The following DLGAP2 variants were observed in gnomAD, a reference collection of about 807,000 sequenced individuals.
DLGAP2 encodes disks large-associated protein 2.
Under a neutral mutation model 100.3 loss-of-function variants are expected in DLGAP2, and 26 were observed. The observed-to-expected ratio is 0.26, with a 90% confidence interval of 0.19 to 0.36. The LOEUF (loss-of-function observed/expected upper bound fraction) is 0.36. DLGAP2 is among the 10% of genes least tolerant of loss of function. The probability of loss-of-function intolerance (pLI) is 1.00; values close to 1 mark genes in which losing one functional copy is unlikely to be tolerated. For synonymous variants in DLGAP2, 886 were observed against 630.1 expected (o/e 1.41, Z -6.08); for missense variants, 1,858 against 1,453.2 (o/e 1.28, Z -4.53).
intron 1 of DLGAP2, among the ~76,000 whole-genome samples, chr8:746,412 G>A (rs999414140): frequency 5.9e-5 from 9 of 152,358 alleles, no homozygotes; most frequent in Non-Finnish European, 1.0e-4. Flanking sequence ...GTCAGATGGC[G>A]CATTGGATCC....
intron 3 of DLGAP2, among the ~76,000 whole-genome samples, chr8:1,274,663 A>G (rs182454757): frequency 1.9e-3 from 113 of 60,600 alleles, no homozygotes; most frequent in Non-Finnish European, 3.3e-3. Context: ...GTGACTTTGG[A>G]TTTGTTTTCT....
Position 892,677 on chromosome 8 carries a change from C to G in DLGAP2, c.19-15235C>G, listed in dbSNP as rs533212105. Among the ~76,000 whole-genome samples the G allele has an allele frequency of 1.7e-4, 26 of 152,290 alleles. No homozygotes were observed. The South Asian group carries it at 5.0e-3, about 29-fold the overall frequency. ...GTTCCCTGTGCTGGAAGCACAGTTC[C>G]GTTTCTGCTGCAGAACAGAGAGGCG... On this transcript the variant is annotated intron_variant, in intron 1 of 14. Transcript: ENST00000637795.
At chr8:906,604 C>G (rs530754452) in intron 1 of DLGAP2, among the ~76,000 whole-genome samples, 1 of 152,130 alleles carries the variant, frequency 6.6e-6, no homozygotes, top group Non-Finnish European at 1.5e-5. Context: ...GTGTCAGATA[C>G]GACCCTAGAG....
intron 3 of DLGAP2, among the ~76,000 whole-genome samples, chr8:1,480,014 C>T (rs959588558): frequency 2.6e-5 from 4 of 152,192 alleles, no homozygotes; most frequent in African/African-American, 9.7e-5. Flanking sequence ...TCCTCACCAG[C>T]CCCTGTAAGA....
chr8:1,306,911 T>C (rs974618514), intron 3 of DLGAP2, among the ~76,000 whole-genome samples: 10 of 151,912 alleles, frequency 6.6e-5, no homozygotes, highest in African/African-American at 2.2e-4. Flanking sequence ...ATAAAAGACC[T>C]AAACATAAGA....
chr8:849,952 T>G (rs1797153861), intron 1 of DLGAP2, among the ~76,000 whole-genome samples: 1 of 151,436 alleles, frequency 6.6e-6, no homozygotes, highest in African/African-American at 2.4e-5. Flanking sequence ...TAATTCCAGC[T>G]ACTTGGGAGG....
At chr8:1,516,673 G>A (rs899865489) in intron 4 of DLGAP2, among the ~76,000 whole-genome samples, 2 of 152,036 alleles carry the variant, frequency 1.3e-5, no homozygotes, top group Non-Finnish European at 2.9e-5. Flanking sequence ...GTGGGTGACT[G>A]AGTGAAAGAG....
At chr8:836,828 T>C (rs2132709666) in intron 1 of DLGAP2, among the ~76,000 whole-genome samples, 1 of 152,346 alleles carries the variant, frequency 6.6e-6, no homozygotes, top group South Asian at 2.1e-4. Context: ...CTCATCACTT[T>C]ACCGAAGGAC....
At chr8:948,647 C>A (rs1002417838) in intron 2 of DLGAP2, among the ~76,000 whole-genome samples, 1 of 152,236 alleles carries the variant, frequency 6.6e-6, no homozygotes, top group Admixed American at 6.5e-5. Flanking sequence ...AGAGCCAGGC[C>A]GGGGTTGCAG....
chr8:1,678,706 G>A, intron 12 of DLGAP2, 77 bp downstream of exon 12: 7 of 1,375,522 alleles, frequency 5.1e-6, no homozygotes, highest in South Asian at 1.8e-5. Flanking sequence ...CAGCATTAGT[G>A]GAGAAAAGTT....
rs140511792 is a variant in DLGAP2, at chr8:1,272,065, C to G, written c.106+13182C>G. Among the ~76,000 whole-genome samples the G allele has an allele frequency of 4.1e-3, 627 of 152,282 alleles. 4 individuals carry two copies. Among genetic ancestry groups the G allele is most frequent in the African/African-American group, 0.014 (588 of 41,558 alleles). On this transcript the variant is annotated intron_variant, in intron 3 of 14. Transcript: ENST00000637795. The stretch of plus-strand genomic sequence containing the variant: ...TCCTGACCTCAGGTGATCCGCCTGC[C>G]TCAGGCTCCCAAAATGCTGGAATTA...
At chr8:768,383 A>G (rs192835134) in intron 1 of DLGAP2, among the ~76,000 whole-genome samples, 105 of 146,646 alleles carry the variant, frequency 7.2e-4, no homozygotes, top group African/African-American at 2.4e-3. Context: ...GTGGGCTTGT[A>G]TGGACTTCAG....
At chr8:1,371,879 G>A (rs1404325485) in intron 3 of DLGAP2, among the ~76,000 whole-genome samples, 2 of 152,186 alleles carry the variant, frequency 1.3e-5, no homozygotes, top group East Asian at 3.9e-4. Context: ...CACAGAGTCT[G>A]GCATCACACA....
chr8:1,267,635 A>AAAATAAAATAAAATAAAATAAAAT (rs1563052144), intron 3 of DLGAP2, among the ~76,000 whole-genome samples: 6 of 113,024 alleles, frequency 5.3e-5, no homozygotes, highest in African/African-American at 1.8e-4. Flanking sequence ...AATATTAAAT[A>AAAATAAAATAAAATAAAATAAAAT]GGTCTACAAA....
At chr8:1,314,730 A>C (rs980415206) in intron 3 of DLGAP2, among the ~76,000 whole-genome samples, 1 of 152,180 alleles carries the variant, frequency 6.6e-6, no homozygotes, top group Non-Finnish European at 1.5e-5. Context: ...CCGGAGGTCG[A>C]GGACTTTCGG....
chr8:1,601,764 C>G (rs1796632363), intron 6 of DLGAP2, among the ~76,000 whole-genome samples: 1 of 152,152 alleles, frequency 6.6e-6, no homozygotes. Flanking sequence ...TCAGAGCTCT[C>G]TCGTAGCTTA....
At chr8:788,197 A>T (rs1365316752) in intron 1 of DLGAP2, among the ~76,000 whole-genome samples, 1 of 152,246 alleles carries the variant, frequency 6.6e-6, no homozygotes, top group African/African-American at 2.4e-5. Flanking sequence ...CTCCCAAATC[A>T]TGAATCTGAT....
At chr8:1,329,421 C>T (rs1056916063) in intron 3 of DLGAP2, among the ~76,000 whole-genome samples, 4 of 152,104 alleles carry the variant, frequency 2.6e-5, no homozygotes, top group Non-Finnish European at 5.9e-5. Context: ...ATCCGTTTTT[C>T]GAAGGTCATT....
intron 1 of DLGAP2, among the ~76,000 whole-genome samples, chr8:773,498 TC>T (rs1280951026): frequency 1.2e-5 from 1 of 83,190 alleles, no homozygotes; most frequent in African/African-American, 4.3e-5. Flanking sequence ...CCCTCCCCCC[TC>T]CCCCCACTCC....
Sources: allele counts gnomAD v4.1 joint callset (sites outside exome capture counted in the v4.1 genomes callset), GRCh38; gene constraint gnomAD v4.1.1; transcripts MANE v1.5; gene names NCBI Gene and HGNC (gene_info 2026-07-23, HGNC 2026-07-21).